Variants in NELL1 observed in about 807,000 individuals in gnomAD.
NELL1 encodes protein kinase C-binding protein NELL1.
NELL1 carries 76 observed loss-of-function variants against 107.4 expected under a neutral mutation model. That is an observed-to-expected ratio of 0.71 (90% confidence interval 0.59 to 0.86). The LOEUF (loss-of-function observed/expected upper bound fraction) is 0.86, where lower values mean the gene tolerates loss of function less well. Ranked by LOEUF, NELL1 falls within the 40% of genes least tolerant of loss-of-function variation. NELL1 has a pLI of 0.00. For missense variants in NELL1, 1,024 were observed against 1,005.5 expected, an observed-to-expected ratio of 1.02 and a Z score of -0.25; for synonymous variants, 353 against 341.2, an observed-to-expected ratio of 1.03 and a Z score of -0.38.
chr11:21,203,445 T>C (rs1267234784), intron 13 of NELL1, among the ~76,000 whole-genome samples: 1 of 151,392 alleles, frequency 6.6e-6, no homozygotes, highest in African/African-American at 2.4e-5. Flanking sequence ...TTTTTTTTTT[T>C]TTTTGGCTTT....
chr11:21,076,572 G>A (rs1854141549), intron 12 of NELL1, among the ~76,000 whole-genome samples: 1 of 152,210 alleles, frequency 6.6e-6, no homozygotes, highest in Non-Finnish European at 1.5e-5. Flanking sequence ...TCTCTAGCCA[G>A]CGGAGCTGTA....
chr11:21,112,334 GATAA>G (rs1855127002), intron 12 of NELL1, among the ~76,000 whole-genome samples: 1 of 151,864 alleles, frequency 6.6e-6, no homozygotes, highest in South Asian at 2.1e-4. Context: ...TTTCTTTTAA[GATAA>G]ATAGATTAAT....
intron 2 of NELL1, chr11:20,769,319 A>C (rs1186501260): frequency 6.6e-6 from 1 of 152,394 alleles, no homozygotes; most frequent in Non-Finnish European, 1.5e-5. Context: ...GGAGGACAAC[A>C]GGAAGAATGC....
At chr11:21,374,796 A>G (rs983170798) in intron 15 of NELL1, among the ~76,000 whole-genome samples, 1 of 151,856 alleles carries the variant, frequency 6.6e-6, no homozygotes, top group Non-Finnish European at 1.5e-5. Context: ...ACTCTTGATC[A>G]TGGAACAGGA....
intron 16 of NELL1, among the ~76,000 whole-genome samples, chr11:21,542,508 C>T (rs752944349): frequency 2.0e-5 from 3 of 152,044 alleles, no homozygotes; most frequent in Non-Finnish European, 4.4e-5. Context: ...ATTCACTGGA[C>T]TCAAGGGATG....
chr11:21,215,990 C>A (rs895858067), intron 13 of NELL1, among the ~76,000 whole-genome samples: 1 of 152,118 alleles, frequency 6.6e-6, no homozygotes, highest in Non-Finnish European at 1.5e-5. Context: ...CCCCTCCTAT[C>A]ACAGAGCCAG....
At chr11:21,528,240 C>T (rs537512658) in intron 15 of NELL1, among the ~76,000 whole-genome samples, 1 of 152,244 alleles carries the variant, frequency 6.6e-6, no homozygotes, top group South Asian at 2.1e-4. Flanking sequence ...AAAACAACAG[C>T]ATTATGGCAT....
chr11:21,155,386 G>C lies in NELL1; in HGVS notation c.1426+41672G>C, dbSNP rs74781494. 7.7e-3 allele frequency among the ~76,000 whole-genome samples: 1,174 copies of C among 152,262 alleles called. 16 individuals are homozygous for C. Among genetic ancestry groups the C allele is most frequent in the African/African-American group, 0.027 (1,116 of 41,564 alleles). Reference sequence around the variant, plus strand: ...GTATATTTGGATGTTGTGAAGATAAGAGTGTCAATTATAAATTTGGAAATA... The same window carrying C: ...GTATATTTGGATGTTGTGAAGATAACAGTGTCAATTATAAATTTGGAAATA... On this transcript the variant is annotated intron_variant, in intron 13 of 19. Coordinates refer to ENST00000357134, the MANE Select transcript of NELL1 (RefSeq NM_006157.5).
At chr11:21,021,659 A>G (rs1852704583) in intron 12 of NELL1, among the ~76,000 whole-genome samples, 1 of 152,078 alleles carries the variant, frequency 6.6e-6, no homozygotes, top group Non-Finnish European at 1.5e-5. Flanking sequence ...GTTTTCTTGC[A>G]TAGCAAGTTG....
At chr11:21,329,828 G>A (rs987201080) in intron 14 of NELL1, among the ~76,000 whole-genome samples, 4 of 151,938 alleles carry the variant, frequency 2.6e-5, no homozygotes, top group African/African-American at 9.7e-5. Context: ...TAATACCAGT[G>A]ATCTATAGAG....
intron 12 of NELL1, among the ~76,000 whole-genome samples, chr11:21,061,251 T>C (rs924219616): frequency 4.6e-5 from 7 of 151,728 alleles, no homozygotes; most frequent in African/African-American, 1.7e-4. Context: ...AAGTAAGGAG[T>C]GTATGTGTGT....
intron 15 of NELL1, among the ~76,000 whole-genome samples, chr11:21,503,107 C>G (rs1322926473): frequency 6.6e-6 from 1 of 152,190 alleles, no homozygotes; most frequent in Non-Finnish European, 1.5e-5. Flanking sequence ...TCTCGAACTC[C>G]TGACCTCAGG....
chr11:21,435,529 A>T, intron 15 of NELL1, among the ~76,000 whole-genome samples: 2 of 141,966 alleles, frequency 1.4e-5, no homozygotes, highest in Admixed American at 7.0e-5. Flanking sequence ...AAGAGATGTT[A>T]GCTTTTATTG....
intron 15 of NELL1, among the ~76,000 whole-genome samples, chr11:21,401,214 T>G (rs1852090522): frequency 6.6e-6 from 1 of 151,924 alleles, no homozygotes; most frequent in Non-Finnish European, 1.5e-5. Flanking sequence ...TTTTTTTTAT[T>G]GAATTATGGT....
At chr11:20,875,174 T>G (rs1056596270) in intron 4 of NELL1, among the ~76,000 whole-genome samples, 3 of 152,216 alleles carry the variant, frequency 2.0e-5, no homozygotes, top group Admixed American at 6.5e-5. Context: ...GTGTTTATTT[T>G]ATTTTATTTT....
chr11:20,680,479 A>C (rs1051794975), intron 2 of NELL1, among the ~76,000 whole-genome samples: 2 of 152,114 alleles, frequency 1.3e-5, no homozygotes, highest in Non-Finnish European at 2.9e-5. Flanking sequence ...TTGGGGGAAA[A>C]ATTTCTCTTT....
chr11:21,446,950 C>T (rs938434724), intron 15 of NELL1, among the ~76,000 whole-genome samples: 1 of 152,206 alleles, frequency 6.6e-6, no homozygotes, highest in East Asian at 1.9e-4. Flanking sequence ...ACTTGTTGCT[C>T]TATTCTACTG....
intron 14 of NELL1, among the ~76,000 whole-genome samples, chr11:21,342,726 A>AGC (rs1850602072): frequency 6.7e-6 from 1 of 148,516 alleles, no homozygotes; most frequent in South Asian, 2.2e-4. Flanking sequence ...AGAGAGAGAG[A>AGC]AAGAGAAAGA....
intron 14 of NELL1, among the ~76,000 whole-genome samples, chr11:21,251,937 G>A (rs1858648937): frequency 6.6e-6 from 1 of 152,090 alleles, no homozygotes; most frequent in African/African-American, 2.4e-5. Context: ...TCAAGGGCAA[G>A]AACAAGATTA....
Sources: allele counts gnomAD v4.1 joint callset (sites outside exome capture counted in the v4.1 genomes callset), GRCh38; gene constraint gnomAD v4.1.1; transcripts MANE v1.5; gene names NCBI Gene and HGNC (gene_info 2026-07-23, HGNC 2026-07-21).